GNAS-AS1: variants seen among roughly 807,000 people sequenced by gnomAD.
GNAS-AS1 encodes GNAS antisense RNA 1.
exon 1 of GNAS-AS1, chr20:58,850,882 C>A (rs529489816): frequency 1.0e-5 from 4 of 398,784 alleles, no homozygotes; most frequent in South Asian, 2.5e-4. Flanking sequence ...CCTCTTCGGG[C>A]GTTCCAACGC....
chr20:58,831,588 G>C (rs1241665658), intron 4 of GNAS-AS1, among the ~76,000 whole-genome samples: 1 of 151,980 alleles, frequency 6.6e-6, no homozygotes, highest in Non-Finnish European at 1.5e-5. Context: ...CCGAGATTGA[G>C]CCACTGCATT....
intron 4 of GNAS-AS1, among the ~76,000 whole-genome samples, chr20:58,835,164 C>T (rs762141624): frequency 6.6e-6 from 1 of 151,816 alleles, no homozygotes; most frequent in African/African-American, 2.4e-5. Flanking sequence ...TGAGGGGTAG[C>T]GAGTGCTGCA....
At chr20:58,819,497 T>A (rs1351415937) in intron 4 of GNAS-AS1, among the ~76,000 whole-genome samples, 1 of 152,208 alleles carries the variant, frequency 6.6e-6, no homozygotes, top group Non-Finnish European at 1.5e-5. Context: ...TTTGAAAACA[T>A]GGCCCTTTTT....
At chr20:58,819,195 G>A (rs915155774) in exon 5 of GNAS-AS1, 26 of 398,510 alleles carry the variant, frequency 6.5e-5, no homozygotes, top group African/African-American at 2.3e-4. Flanking sequence ...CTAATGAGGC[G>A]GAGCTCTGGA....
exon 1 of GNAS-AS1, chr20:58,850,899 C>A: frequency 5.0e-6 from 2 of 398,748 alleles, no homozygotes; most frequent in Non-Finnish European, 8.8e-6. Context: ...ACGCGGCGCC[C>A]CCTATTGGAC....
chr20:58,823,912 T>C, intron 4 of GNAS-AS1: 1 of 397,914 alleles, frequency 2.5e-6, no homozygotes, highest in Non-Finnish European at 4.4e-6. Flanking sequence ...ACAGGCTTCT[T>C]CTCTCATCAT....
chr20:58,826,055 G>A (rs1328881862), intron 4 of GNAS-AS1: 1 of 398,540 alleles, frequency 2.5e-6, no homozygotes, highest in Non-Finnish European at 4.4e-6. Flanking sequence ...GAGAAAGACA[G>A]ATGAGCAAAT....
chr20:58,840,932 AGC>A lies in GNAS-AS1; in HGVS notation n.819+1003_819+1004del. ...CTGGGGAGCCTGAGGGCGGTGTGGG[AGC>A]AGCGCAGGTGGAAAGGAGGTGAGAA... On this transcript the variant is annotated intron_variant and non_coding_transcript_variant, in intron 4 of 4. Transcript: ENST00000424094. This position sits in a 1 kb window ranked among gnomAD's most constrained non-coding sequence, Gnocchi z 6.0. The A allele has an allele frequency of 3.1e-6, 5 of 1,601,560 alleles. No homozygotes were observed. Among genetic ancestry groups the A allele is most frequent in the Non-Finnish European group, 3.4e-6 (4 of 1,172,762 alleles).
chr20:58,840,598 C>A lies in GNAS-AS1; in HGVS notation n.819+1339G>T, dbSNP rs772893248. The A allele has an allele frequency of 5.6e-6, 9 of 1,610,634 alleles. No homozygotes were observed. The highest frequency in any genetic ancestry group is 1.7e-5 in the Admixed American group (1 of 59,984). On this transcript the variant is annotated intron_variant and non_coding_transcript_variant, in intron 4 of 4. Coordinates refer to ENST00000424094, the Ensembl canonical transcript of GNAS-AS1. This position sits in a 1 kb window ranked among gnomAD's most constrained non-coding sequence, Gnocchi z 6.0. Reference sequence around the variant, plus strand: ...GCCAGTCCCTCACCCAGCGTCTGCACGCTCTCAAGTTGCGAAGCCCCGACG... The same window carrying A: ...GCCAGTCCCTCACCCAGCGTCTGCAAGCTCTCAAGTTGCGAAGCCCCGACG...
intron 4 of GNAS-AS1, among the ~76,000 whole-genome samples, chr20:58,823,223 C>T (rs778246870): frequency 3.3e-5 from 5 of 152,222 alleles, no homozygotes; most frequent in Non-Finnish European, 7.3e-5. Context: ...GCGTATAGAA[C>T]CTAATATCCC....
chr20:58,822,275 C>T (rs2085491870), intron 4 of GNAS-AS1, among the ~76,000 whole-genome samples: 1 of 152,198 alleles, frequency 6.6e-6, no homozygotes, highest in Non-Finnish European at 1.5e-5. Flanking sequence ...ATAATAATAG[C>T]TCCACTTTAC....
At chr20:58,847,763 C>T (rs933273018) in intron 2 of GNAS-AS1, among the ~76,000 whole-genome samples, 1 of 152,204 alleles carries the variant, frequency 6.6e-6, no homozygotes, top group African/African-American at 2.4e-5. Flanking sequence ...CCTCCCTTCC[C>T]TCTCTCTACT....
In GNAS-AS1 at chr20:58,840,524, G is replaced by C. The variant is rs748461622; in HGVS notation, n.819+1413C>G. ...CGCCCCCACCACTGAGCCCGAGACC[G>C]AGCCTGAAGACGATCGCGGCCCGGT... On this transcript the variant is annotated intron_variant and non_coding_transcript_variant, in intron 4 of 4. Transcript: ENST00000424094. The surrounding 1 kb of genome is among the most constrained non-coding windows in gnomAD (Gnocchi z 6.0). 5.6e-6 allele frequency: 9 copies of C among 1,613,560 alleles called. No individual in the cohort carries two copies. The highest frequency in any genetic ancestry group is 3.3e-4 in the Middle Eastern group (2 of 6,062).
chr20:58,829,606 C>T (rs928933454), intron 4 of GNAS-AS1, among the ~76,000 whole-genome samples: 2 of 152,208 alleles, frequency 1.3e-5, no homozygotes, highest in African/African-American at 2.4e-5. Flanking sequence ...CACTATTCCT[C>T]GCTTGGAACT....
rs1420603275 is a variant in GNAS-AS1, at chr20:58,841,779, T to C, written n.819+158A>G. Reference sequence around the variant, plus strand: ...GGTATTGCCAAGCTTTTGGCGCAGCTGGTCGGGTGGCCAGGCTGCATGCGG... The same window carrying C: ...GGTATTGCCAAGCTTTTGGCGCAGCCGGTCGGGTGGCCAGGCTGCATGCGG... On this transcript the variant is annotated intron_variant and non_coding_transcript_variant, in intron 4 of 4. Transcript: ENST00000424094. This position sits in a 1 kb window ranked among gnomAD's most constrained non-coding sequence, Gnocchi z 5.0. The C allele has an allele frequency of 1.7e-5, 21 of 1,230,460 alleles. No homozygotes were observed. In the East Asian group the frequency reaches 5.0e-4, roughly 30 times the overall value. The allele number at this position is 1,230,460 out of a possible 1,614,324, so 76.2% of individuals were successfully genotyped here. A position where few individuals can be genotyped will look rare whatever the true frequency, so the allele number is the denominator to read the frequency against.
chr20:58,834,541 G>A (rs1475046928), intron 4 of GNAS-AS1: 2 of 152,226 alleles, frequency 1.3e-5, no homozygotes, highest in African/African-American at 4.8e-5. Flanking sequence ...CAAGCTCCAG[G>A]GCCACGGGAG....
chr20:58,823,853 G>A (rs1008334011), intron 4 of GNAS-AS1, among the ~76,000 whole-genome samples: 2 of 152,210 alleles, frequency 1.3e-5, no homozygotes, highest in Non-Finnish European at 2.9e-5. Context: ...ACAAGGGTCT[G>A]CTCCCCTAAC....
intron 4 of GNAS-AS1, chr20:58,839,624 G>A (rs927241079): frequency 1.4e-5 from 6 of 422,022 alleles, no homozygotes; most frequent in African/African-American, 1.0e-4. Flanking sequence ...TAGGGTCTGC[G>A]CCACAGGCTC....
In GNAS-AS1 at chr20:58,840,415, C is replaced by T. The variant is rs373276011; in HGVS notation, n.819+1522G>A. 53 of 1,613,524 alleles carry T rather than the reference C, an allele frequency of 3.3e-5. No individual in the cohort carries two copies. The African/African-American group carries it at 5.7e-4, about 17-fold the overall frequency. On this transcript the variant is annotated intron_variant and non_coding_transcript_variant, in intron 4 of 4. Coordinates refer to ENST00000424094, the Ensembl canonical transcript of GNAS-AS1. The surrounding 1 kb of genome is among the most constrained non-coding windows in gnomAD (Gnocchi z 6.0). ...TGTCCCTCCCCGAGTGCCTAGAGTA[C>T]GAGGAAGAGTTCGACTACGAGACCG... is the stretch of plus-strand genomic sequence containing the variant.
Sources: allele counts gnomAD v4.1 joint callset (sites outside exome capture counted in the v4.1 genomes callset), GRCh38; gene constraint gnomAD v4.1.1; non-coding constraint Gnocchi (gnomAD v3.1); transcripts MANE v1.5; gene names NCBI Gene and HGNC (gene_info 2026-07-23, HGNC 2026-07-21).